Variants in KIF6 observed in about 807,000 individuals in gnomAD.
KIF6 encodes kinesin-like protein KIF6.
KIF6 carries 106 observed loss-of-function variants against 112.7 expected under a neutral mutation model. The ratio of observed to expected loss-of-function variants is 0.94; its 90% CI spans 0.80 to 1.11. The LOEUF is 1.11. KIF6 is among the 50% of genes least tolerant of loss of function. KIF6 has a pLI of 0.00. For synonymous variants in KIF6, 339 were observed against 339.9 expected (o/e 1.00, Z 0.03); for missense variants, 929 against 964.0 (o/e 0.96, Z 0.48).
chr6:39,385,815 G>T (rs1581734842), intron 15 of KIF6, 143 bp from the exon 16 acceptor site: 1 of 657,314 alleles, frequency 1.5e-6, no homozygotes, highest in South Asian at 1.8e-5. Flanking sequence ...TCCAAGAAAT[G>T]ACCTTCCATG....
At chr6:39,495,016 G>A (rs897706429) in intron 13 of KIF6, among the ~76,000 whole-genome samples, 11 of 151,952 alleles carry the variant, frequency 7.2e-5, no homozygotes, top group Non-Finnish European at 1.5e-4. Context: ...AAATACAGGT[G>A]GAAAAAATCT....
rs374667488 is a variant in KIF6 at position 39,421,743 on chromosome 6, G to A, written c.1755-1740C>T. On this transcript the variant is annotated intron_variant, in intron 14 of 22. Transcript: ENST00000287152. Reference sequence around the variant, plus strand: ...CTTATTAAGGCTGTTCAGGCTCATCGTAGATTATGTATGTTCTCTCCTCAG... The same window carrying A: ...CTTATTAAGGCTGTTCAGGCTCATCATAGATTATGTATGTTCTCTCCTCAG... 7.9e-5 allele frequency among the ~76,000 whole-genome samples: 12 copies of A among 152,300 alleles called. No individual in the cohort carries two copies. The East Asian group carries it at 1.2e-3, about 15-fold the overall frequency.
chr6:39,627,436 A>G (rs1269661373), intron 5 of KIF6, among the ~76,000 whole-genome samples: 2 of 152,170 alleles, frequency 1.3e-5, no homozygotes, highest in Non-Finnish European at 2.9e-5. Context: ...TACGTTAGCA[A>G]ACATGGTGCC....
At chr6:39,460,524 T>TAAAAAAAAAGGAAAAAAAAAAAAAAAAAA (rs1773402098) in intron 13 of KIF6, among the ~76,000 whole-genome samples, 1 of 14,094 alleles carries the variant, frequency 7.1e-5, no homozygotes. Context: ...TAAAGTATAA[T>TAAAAAAAAAGGAAAAAAAAAAAAAAAAAA]AAAAAAAAAA....
chr6:39,478,949 TG>T (rs1474575917), intron 13 of KIF6, among the ~76,000 whole-genome samples: 2 of 152,090 alleles, frequency 1.3e-5, no homozygotes, highest in African/African-American at 2.4e-5. Flanking sequence ...TTGATGGGAT[TG>T]TTTTTTTTCT....
intron 5 of KIF6, among the ~76,000 whole-genome samples, chr6:39,616,355 G>A (rs560211413): frequency 6.6e-6 from 1 of 152,174 alleles, no homozygotes; most frequent in South Asian, 2.1e-4. Flanking sequence ...TAGAACTCTC[G>A]GCTATCTTTT....
intron 16 of KIF6, among the ~76,000 whole-genome samples, chr6:39,376,886 AG>A (rs1336319043): frequency 6.6e-6 from 1 of 152,208 alleles, no homozygotes; most frequent in African/African-American, 2.4e-5. Context: ...AGAAAAAAAA[AG>A]ATCTGAAGTT....
Position 39,584,968 on chromosome 6 carries a change from C to T in KIF6, c.1007G>A (p.Cys336Tyr), listed in dbSNP as rs928325128. 6.2e-7 allele frequency: 1 copy of T among 1,608,342 alleles called. No homozygotes were observed. Residue 336 changes from cysteine (C) to tyrosine (Y), a missense_variant, in exon 9 of 23, where the codon TGC (cysteine) becomes TAC (tyrosine). Transcript: ENST00000287152. Reference sequence around the variant, plus strand: ...GAGTGCCACTCGCTGTGCAAATCTGCAGGTTGATATAGACTCCTAAGAAAG... The same window carrying T: ...GAGTGCCACTCGCTGTGCAAATCTGTAGGTTGATATAGACTCCTAAGAAAG... ...KRNLDESISTCRFAQRVALIK... is the reference protein window; with the variant it reads ...KRNLDESISTYRFAQRVALIK...
chr6:39,469,606 C>T (rs1054892865), intron 13 of KIF6, among the ~76,000 whole-genome samples: 2 of 152,242 alleles, frequency 1.3e-5, no homozygotes, highest in Admixed American at 1.3e-4. Context: ...GATACATATG[C>T]AGGTTTGTCA....
intron 3 of KIF6, among the ~76,000 whole-genome samples, chr6:39,666,742 G>A (rs375806141): frequency 3.3e-5 from 5 of 152,292 alleles, no homozygotes; most frequent in East Asian, 1.9e-4. Flanking sequence ...AGTCGTACAT[G>A]ATTGAACAAT....
chr6:39,577,222 C>A (rs1487579037), intron 10 of KIF6, among the ~76,000 whole-genome samples: 1 of 152,230 alleles, frequency 6.6e-6, no homozygotes, highest in Non-Finnish European at 1.5e-5. Context: ...CTTGCTGAGG[C>A]TTCTCAAGCT....
At chr6:39,336,906 T>TCC (rs1348793370) in intron 22 of KIF6, among the ~76,000 whole-genome samples, 2 of 139,628 alleles carry the variant, frequency 1.4e-5, no homozygotes, top group Non-Finnish European at 3.0e-5. Flanking sequence ...TTCCTTCCCT[T>TCC]TCTTCCCTTT....
intron 13 of KIF6, among the ~76,000 whole-genome samples, chr6:39,453,025 C>A (rs1467924383): frequency 6.6e-6 from 1 of 152,184 alleles, no homozygotes; most frequent in East Asian, 1.9e-4. Context: ...ACGGATGCCT[C>A]CAAGTTGCCC....
intron 16 of KIF6, among the ~76,000 whole-genome samples, chr6:39,383,564 C>T (rs1187377905): frequency 6.6e-6 from 1 of 152,096 alleles, no homozygotes; most frequent in Non-Finnish European, 1.5e-5. Flanking sequence ...TTACTGTAGC[C>T]TTGTAGTTTA....
chr6:39,720,835 G>A (rs368380427), intron 1 of KIF6, 24 bp from the exon 2 acceptor site: 1 of 1,017,658 alleles, frequency 9.8e-7, no homozygotes, highest in Non-Finnish European at 1.6e-6. Context: ...GACAACAAAT[G>A]GATATAAAAT....
intron 22 of KIF6, among the ~76,000 whole-genome samples, chr6:39,337,180 T>TTTCTTTCC (rs1554195092): frequency 1.6e-4 from 13 of 80,618 alleles, no homozygotes; most frequent in African/African-American, 1.2e-3. Context: ...TCCTTCTTTC[T>TTTCTTTCC]TTCTTTCTTT....
At chr6:39,393,220 G>A (rs1028959789) in intron 15 of KIF6, among the ~76,000 whole-genome samples, 5 of 152,182 alleles carry the variant, frequency 3.3e-5, no homozygotes, top group Non-Finnish European at 5.9e-5. Flanking sequence ...TTTACCACCC[G>A]CAGGCCCTCT....
chr6:39,501,489 T>C (rs1776133866), intron 13 of KIF6, among the ~76,000 whole-genome samples: 1 of 152,006 alleles, frequency 6.6e-6, no homozygotes, highest in Non-Finnish European at 1.5e-5. Flanking sequence ...ATGGCTGAAA[T>C]GACAGAAGTA....
intron 15 of KIF6, among the ~76,000 whole-genome samples, chr6:39,412,288 T>G (rs1218563887): frequency 6.6e-6 from 1 of 152,214 alleles, no homozygotes; most frequent in Non-Finnish European, 1.5e-5. Flanking sequence ...ACTTCATGTC[T>G]TGGAATATTC....
Sources: gnomAD v4.1 joint callset for allele counts (sites outside exome capture counted in the v4.1 genomes callset) on GRCh38, gnomAD v4.1.1 for gene constraint, MANE v1.5 for transcripts, NCBI Gene and HGNC (gene_info 2026-07-23, HGNC 2026-07-21) for gene names.